Variants in NDC80 observed in about 807,000 individuals in gnomAD.
The protein encoded by NDC80 is kinetochore protein NDC80 homolog.
NDC80 carries 69 observed loss-of-function variants against 89.3 expected under a neutral mutation model. The observed-to-expected ratio is 0.77, with a 90% confidence interval of 0.64 to 0.94. The LOEUF (loss-of-function observed/expected upper bound fraction) is 0.94. NDC80 is among the 40% of genes least tolerant of loss of function. NDC80 has a pLI of 0.00. For missense variants in NDC80, 593 were observed against 739.6 expected, an observed-to-expected ratio of 0.80 and a Z score of 2.30; for synonymous variants, 243 against 255.6, an observed-to-expected ratio of 0.95 and a Z score of 0.47.
chr18:2,605,286 G>A (rs1044044698), intron 13 of NDC80, among the ~76,000 whole-genome samples: 36 of 90,120 alleles, frequency 4.0e-4, no homozygotes, highest in African/African-American at 1.4e-3. Context: ...GTGTGTGTGT[G>A]TGTGTGTGTG....
chr18:2,591,518 T>C (rs572172651), intron 10 of NDC80, among the ~76,000 whole-genome samples: 19 of 152,028 alleles, frequency 1.2e-4, no homozygotes, highest in Non-Finnish European at 2.5e-4. Context: ...GTCTATGGAG[T>C]ATTGATTGTC....
chr18:2,593,118 G>A (rs1003055350), intron 10 of NDC80, among the ~76,000 whole-genome samples: 1 of 142,194 alleles, frequency 7.0e-6, no homozygotes, highest in Non-Finnish European at 1.5e-5. Context: ...GCAATGGCAC[G>A]ATCTCAGTTC....
At chr18:2,611,238 A>C (rs2072742753) in intron 16 of NDC80, among the ~76,000 whole-genome samples, 1 of 151,904 alleles carries the variant, frequency 6.6e-6, no homozygotes, top group African/African-American at 2.4e-5. Context: ...TAGTAGAGAC[A>C]GGGTTTCATC....
At chr18:2,589,830 T>G (rs77527762) in intron 9 of NDC80, among the ~76,000 whole-genome samples, 188 bp from the exon 10 acceptor site, 2 of 67,018 alleles carry the variant, frequency 3.0e-5, no homozygotes, top group East Asian at 3.2e-4. Context: ...GCAATTGTGG[T>G]TTTTTTTTTT....
At chr18:2,600,481 C>T (rs1006386965) in intron 12 of NDC80, among the ~76,000 whole-genome samples, 6 of 151,852 alleles carry the variant, frequency 4.0e-5, no homozygotes, top group African/African-American at 7.3e-5. Flanking sequence ...TGGTGGTGCA[C>T]ACCTGTAGTC....
intron 6 of NDC80, among the ~76,000 whole-genome samples, chr18:2,584,809 A>G (rs2072596058): frequency 6.6e-6 from 1 of 152,222 alleles, no homozygotes; most frequent in African/African-American, 2.4e-5. Context: ...GGTTAATAAC[A>G]GCATAAAGGT....
intron 13 of NDC80, among the ~76,000 whole-genome samples, chr18:2,605,495 G>C (rs549019360): frequency 3.2e-4 from 49 of 152,226 alleles, no homozygotes; most frequent in South Asian, 8.3e-4. Flanking sequence ...TTGAGTATCT[G>C]TTGTTGTTAT....
At position 2,614,439 on chromosome 18, in the gene NDC80, AAAAGAAAGAAAGAAAG is replaced by A. The variant is rs758768165; in HGVS notation, c.1792-1969_1792-1954del. On this transcript the variant is annotated intron_variant, in intron 16 of 16. Coordinates refer to ENST00000261597, the MANE Select transcript of NDC80 (RefSeq NM_006101.3). ...CTACAGAGCAAGATGCTGTCTCAAA[AAAAGAAAGAAAGAAAG>A]AAAGAAAGAAAGAAAGAAAGAAAGA... is the stretch of plus-strand genomic sequence containing the variant. The A allele has an allele frequency of 2.8e-4, 7 of 24,728 alleles. No individual in the cohort carries two copies. In the South Asian group the frequency reaches 6.0e-3, roughly 21 times the overall value. 1.5% of individuals were successfully genotyped at this position (24,728 alleles called of 1,614,324 possible). A position where few individuals can be genotyped will look rare whatever the true frequency, so the allele number is the denominator to read the frequency against.
chr18:2,600,190 A>G (rs971087504), intron 12 of NDC80, among the ~76,000 whole-genome samples: 1 of 152,256 alleles, frequency 6.6e-6, no homozygotes, highest in African/African-American at 2.4e-5. Context: ...AAGAAGAATG[A>G]ATATGCTCGA....
intron 10 of NDC80, chr18:2,593,795 T>C (rs2143650057): frequency 3.9e-6 from 1 of 256,880 alleles, no homozygotes; most frequent in South Asian, 5.0e-5. Flanking sequence ...AATCCACTTA[T>C]TTGTTTTAAA....
rs537046535 is a variant in NDC80, at chr18:2,616,407, A to G, written c.1792-30A>G. 8 of 1,370,904 alleles carry G rather than the reference A, an allele frequency of 5.8e-6. No homozygotes were observed. In the South Asian group the frequency reaches 1.0e-4, roughly 17 times the overall value. The allele number at this position is 1,370,904 out of a possible 1,614,324, so 84.9% of individuals were successfully genotyped here. On this transcript the variant is annotated intron_variant, in intron 16 of 16. Transcript: ENST00000261597. ...ATTTTAAAAGAAATTAATTTTTTTT[A>G]CTTTAACAATTGTTAATTCTCTTCA...
chr18:2,596,157 G>A (rs908309145), intron 11 of NDC80, among the ~76,000 whole-genome samples: 1 of 152,164 alleles, frequency 6.6e-6, no homozygotes, highest in Non-Finnish European at 1.5e-5. Flanking sequence ...GGAGATGGCT[G>A]AGAGGTTTTT....
At chr18:2,573,139 GA>G in intron 2 of NDC80, 53 bp downstream of exon 2, 1 of 1,343,788 alleles carries the variant, frequency 7.4e-7, no homozygotes, top group East Asian at 2.3e-5. Context: ...CTTAGGCAAA[GA>G]AATCATAAGA....
At chr18:2,612,864 A>G (rs765906607) in intron 16 of NDC80, among the ~76,000 whole-genome samples, 1 of 152,252 alleles carries the variant, frequency 6.6e-6, no homozygotes, top group Non-Finnish European at 1.5e-5. Context: ...AATAGCTTTC[A>G]TAAAATATGG....
At position 2,616,487 on chromosome 18, in the gene NDC80, C is replaced by A; in HGVS notation, c.1842C>A (p.Cys614Ter). The A allele has an allele frequency of 6.5e-7, 1 of 1,534,820 alleles. No individual in the cohort carries two copies. The highest frequency in any genetic ancestry group is 2.0e-5 in the Admixed American group (1 of 50,252). The change falls in exon 17 of 17, where the codon TGC (cysteine) becomes TGA (stop). Residue 614 changes from cysteine (C) to a stop codon, truncating the protein, a stop_gained. Coordinates refer to ENST00000261597, the MANE Select transcript of NDC80 (RefSeq NM_006101.3). LOFTEE classifies it high-confidence loss of function. ...IAKVDREYEE[C>*]MSEDLSENIK... is the part of the protein sequence containing the mutation. The stretch of plus-strand genomic sequence containing the variant: ...AAGTTGATAGAGAATATGAAGAATG[C>A]ATGTCAGAAGATCTCTCGGAAAATA...
chr18:2,581,806 C>T (rs2072579403), intron 6 of NDC80, among the ~76,000 whole-genome samples: 1 of 152,050 alleles, frequency 6.6e-6, no homozygotes, highest in Non-Finnish European at 1.5e-5. Flanking sequence ...AGAAGATGAA[C>T]ATTCTTACTT....
Position 2,589,364 on chromosome 18 carries a change from T to C in NDC80, c.870+54T>C, listed in dbSNP as rs1441303389. The C allele has an allele frequency of 3.4e-6, 4 of 1,186,126 alleles. No homozygotes were observed. The Admixed American group carries it at 6.1e-5, about 18-fold the overall frequency. The allele number at this position is 1,186,126 out of a possible 1,614,324, so 73.5% of individuals were successfully genotyped here. ...GAGAGCTCTTTTAGACTTTTGGGTG[T>C]CCTTGGATATTAGCTGTCTTTATCA... On this transcript the variant is annotated intron_variant, in intron 9 of 16. Transcript: ENST00000261597.
Position 2,608,834 on chromosome 18 carries a change from A to G in NDC80, c.1688+4A>G, listed in dbSNP as rs199644944. ...AATTAGATGCTGTTCAGCGGGAGTA[A>G]GTTTATCTCACCAAGATTTATACGT... On this transcript the variant is annotated splice_donor_region_variant and intron_variant, in intron 15 of 16. Transcript: ENST00000261597. The G allele has an allele frequency of 2.6e-4, 419 of 1,599,540 alleles. No individual in the cohort carries two copies. The highest frequency in any genetic ancestry group is 3.4e-4 in the Non-Finnish European group (403 of 1,169,228).
At chr18:2,610,213 T>C (rs13313596) in intron 15 of NDC80, among the ~76,000 whole-genome samples, 2 of 152,238 alleles carry the variant, frequency 1.3e-5, no homozygotes, top group Non-Finnish European at 2.9e-5. Flanking sequence ...ATAGGCTCCG[T>C]GTACATTTAT....
Sources: allele counts gnomAD v4.1 joint callset (sites outside exome capture counted in the v4.1 genomes callset), GRCh38; gene constraint gnomAD v4.1.1; transcripts MANE v1.5; gene names NCBI Gene and HGNC (gene_info 2026-07-23, HGNC 2026-07-21).